The following INPP4B variants were observed in gnomAD, a reference collection of about 807,000 sequenced individuals.
The protein encoded by INPP4B is inositol polyphosphate-4-phosphatase type II B.
In INPP4B, 55 loss-of-function variants were observed where a neutral mutation model predicts 122.5. That is an observed-to-expected ratio of 0.45 (90% CI 0.36 to 0.56). The LOEUF (loss-of-function observed/expected upper bound fraction) is 0.56. INPP4B is among the 20% of genes least tolerant of loss of function. The pLI is 0.00. For missense variants in INPP4B, 1,000 were observed against 1,097.7 expected (o/e 0.91, Z 1.26); for synonymous variants, 403 against 388.7 (o/e 1.04, Z -0.43).
chr4:142,775,815 C>T (rs940864542), intron 1 of INPP4B, among the ~76,000 whole-genome samples: 1 of 152,090 alleles, frequency 6.6e-6, no homozygotes, highest in African/African-American at 2.4e-5. Flanking sequence ...TCTCATTTCT[C>T]ATTATTAAGC....
intron 1 of INPP4B, among the ~76,000 whole-genome samples, chr4:142,814,107 C>A (rs551148388): frequency 1.1e-4 from 17 of 152,254 alleles, no homozygotes; most frequent in Admixed American, 6.5e-4. Flanking sequence ...TACATTTCCC[C>A]TATCAGGGTG....
At chr4:142,632,736 G>A (rs894276849) in intron 2 of INPP4B, among the ~76,000 whole-genome samples, 1 of 151,872 alleles carries the variant, frequency 6.6e-6, no homozygotes, top group South Asian at 2.1e-4. Context: ...TATATTATCA[G>A]TAATGGAGGA....
At chr4:142,816,187 A>T (rs556613414) in intron 1 of INPP4B, among the ~76,000 whole-genome samples, 1 of 152,132 alleles carries the variant, frequency 6.6e-6, no homozygotes, top group Non-Finnish European at 1.5e-5. Flanking sequence ...AGGAATAGAT[A>T]TCTTATTGAA....
intron 1 of INPP4B, among the ~76,000 whole-genome samples, chr4:142,809,810 A>T (rs187790091): frequency 3.0e-4 from 45 of 152,190 alleles, no homozygotes; most frequent in African/African-American, 1.1e-3. Flanking sequence ...GACTCTGGAA[A>T]AGGTTTGACT....
rs148499201 is a variant in INPP4B, at chr4:142,841,910, G to T, written c.-254+4299C>A. On this transcript the variant is annotated intron_variant, in intron 1 of 25. Transcript: ENST00000262992. ...AAAACAATTGAGTAATTTCACCATTGTTTTTTGTATTGCTTTATTTTCATA... is the reference window on the plus strand; with the variant it reads ...AAAACAATTGAGTAATTTCACCATTTTTTTTTGTATTGCTTTATTTTCATA... 5.5e-3 allele frequency among the ~76,000 whole-genome samples: 837 copies of T among 151,748 alleles called. 6 individuals are homozygous for T. Among genetic ancestry groups the T allele is most frequent in the African/African-American group, 0.019 (798 of 41,474 alleles).
At chr4:142,383,611 T>C (rs758051148) in intron 7 of INPP4B, among the ~76,000 whole-genome samples, 25 of 151,960 alleles carry the variant, frequency 1.6e-4, no homozygotes, top group Non-Finnish European at 2.9e-5. Context: ...CTCAATAGTA[T>C]CCCATGATGC....
intron 1 of INPP4B, among the ~76,000 whole-genome samples, chr4:142,844,815 T>C (rs1281678658): frequency 6.6e-6 from 1 of 152,214 alleles, no homozygotes; most frequent in African/African-American, 2.4e-5. Context: ...AAAGTCCTTT[T>C]TCAAGCAAGG....
chr4:142,552,233 C>T (rs925794880), intron 2 of INPP4B, among the ~76,000 whole-genome samples: 3 of 152,036 alleles, frequency 2.0e-5, no homozygotes, highest in Admixed American at 6.6e-5. Flanking sequence ...TTTTGATGTG[C>T]GTGTGAATCA....
chr4:142,819,313 G>A (rs1289125438), intron 1 of INPP4B, among the ~76,000 whole-genome samples: 1 of 152,156 alleles, frequency 6.6e-6, no homozygotes, highest in African/African-American at 2.4e-5. Context: ...ATGGCCTGCA[G>A]AAATTGTGCT....
intron 9 of INPP4B, among the ~76,000 whole-genome samples, chr4:142,282,181 A>T (rs1751509581): frequency 6.6e-6 from 1 of 152,078 alleles, no homozygotes; most frequent in Non-Finnish European, 1.5e-5. Flanking sequence ...TAATAAGATG[A>T]CATTTGAACA....
intron 9 of INPP4B, among the ~76,000 whole-genome samples, chr4:142,294,197 A>G (rs572035428): frequency 4.4e-4 from 67 of 152,352 alleles, no homozygotes; most frequent in African/African-American, 1.5e-3. Context: ...GTATTGTAAA[A>G]AGAAAATATA....
At chr4:142,258,134 A>T (rs893191155) in intron 11 of INPP4B, among the ~76,000 whole-genome samples, 2 of 151,944 alleles carry the variant, frequency 1.3e-5, no homozygotes, top group African/African-American at 4.8e-5. Context: ...TGGTGCTGGG[A>T]AAACTGGCTA....
intron 23 of INPP4B, among the ~76,000 whole-genome samples, chr4:142,096,586 T>A (rs538385775): frequency 5.9e-5 from 9 of 152,216 alleles, no homozygotes; most frequent in African/African-American, 1.9e-4. Context: ...TCTTCTCACT[T>A]TTTCTTTTAA....
intron 7 of INPP4B, among the ~76,000 whole-genome samples, chr4:142,342,819 T>C (rs935328852): frequency 6.6e-6 from 1 of 152,130 alleles, no homozygotes; most frequent in Admixed American, 6.5e-5. Flanking sequence ...GGAGCTTTAT[T>C]TATTACTCTC....
At chr4:142,253,552 G>A (rs1415292702) in intron 11 of INPP4B, among the ~76,000 whole-genome samples, 1 of 152,242 alleles carries the variant, frequency 6.6e-6, no homozygotes, top group Non-Finnish European at 1.5e-5. Context: ...GAAGTGCAAG[G>A]GGTCAGGGAG....
intron 11 of INPP4B, among the ~76,000 whole-genome samples, chr4:142,258,519 C>T (rs1452747218): frequency 6.6e-6 from 1 of 152,110 alleles, no homozygotes; most frequent in African/African-American, 2.4e-5. Context: ...AAACAACAAA[C>T]AACCCCATCA....
chr4:142,163,500 A>G (rs1821145602), intron 16 of INPP4B, among the ~76,000 whole-genome samples: 1 of 151,900 alleles, frequency 6.6e-6, no homozygotes, highest in Non-Finnish European at 1.5e-5. Flanking sequence ...TGTACCATCT[A>G]ACATCATCAC....
chr4:142,412,765 A>G lies in INPP4B; in HGVS notation c.137-7441T>C, dbSNP rs576169302. Among the ~76,000 whole-genome samples, 4 of 152,080 alleles carry G rather than the reference A, an allele frequency of 2.6e-5. No homozygotes were observed. In the South Asian group the frequency reaches 6.2e-4, roughly 24 times the overall value. ...TTCCTCTCATTTTAGCTTATTTTCAATCGGGCAAGCCTGCTTTTTATAATT... is the reference window on the plus strand; with the variant it reads ...TTCCTCTCATTTTAGCTTATTTTCAGTCGGGCAAGCCTGCTTTTTATAATT... On this transcript the variant is annotated intron_variant, in intron 5 of 25. Transcript: ENST00000262992.
chr4:142,429,122 T>C (rs1442472560), intron 5 of INPP4B, 51 bp downstream of exon 5: 1 of 1,047,208 alleles, frequency 9.5e-7, no homozygotes, highest in Non-Finnish European at 1.4e-6. Context: ...CTTTGCAAAC[T>C]ACTACACAAA....
Sources: allele counts gnomAD v4.1 joint callset (sites outside exome capture counted in the v4.1 genomes callset), GRCh38; gene constraint gnomAD v4.1.1; transcripts MANE v1.5; gene names NCBI Gene and HGNC (gene_info 2026-07-23, HGNC 2026-07-21).